Variants in CSMD1 observed in about 807,000 individuals in gnomAD.
CSMD1 encodes CUB and sushi domain-containing protein 1.
A neutral mutation model predicts 417.5 loss-of-function variants in CSMD1; 213 were observed. That is an observed-to-expected ratio of 0.51 (90% CI 0.46 to 0.57). CSMD1 has a LOEUF of 0.57. Ranked by LOEUF, CSMD1 falls within the 20% of genes least tolerant of loss-of-function variation. The pLI is 0.00. For missense variants in CSMD1, 6,923 were observed against 4,529.7 expected (o/e 1.53, Z -15.17); for synonymous variants, 2,862 against 1,736.8 (o/e 1.65, Z -16.11).
At chr8:3,549,884 C>G (rs868846352) in intron 10 of CSMD1, among the ~76,000 whole-genome samples, 1 of 152,208 alleles carries the variant, frequency 6.6e-6, no homozygotes, top group Non-Finnish European at 1.5e-5. Context: ...CCAAGTGTAA[C>G]AAATGTAATT....
intron 19 of CSMD1, 46 bp downstream of exon 19, chr8:3,369,208 T>C (rs1282650196): frequency 1.1e-6 from 1 of 919,518 alleles, no homozygotes; most frequent in African/African-American, 1.6e-5. Context: ...CGTTTTTCTG[T>C]CTCATTTATT....
At chr8:4,647,454 C>T (rs929598775) in intron 1 of CSMD1, among the ~76,000 whole-genome samples, 6 of 148,860 alleles carry the variant, frequency 4.0e-5, no homozygotes, top group South Asian at 2.1e-4. Flanking sequence ...GCGTGTGCCA[C>T]GGCGGCCTGC....
chr8:4,819,205 A>G (rs1799379344), intron 1 of CSMD1, among the ~76,000 whole-genome samples: 1 of 152,170 alleles, frequency 6.6e-6, no homozygotes, highest in African/African-American at 2.4e-5. Context: ...TGACAGAAGA[A>G]ATAATAATAA....
intron 26 of CSMD1, among the ~76,000 whole-genome samples, chr8:3,257,358 A>T (rs770436141): frequency 6.6e-6 from 1 of 152,254 alleles, no homozygotes; most frequent in Non-Finnish European, 1.5e-5. Context: ...TGCCTACTGC[A>T]TGTCAGTTCT....
At chr8:4,116,809 T>C (rs1293449293) in intron 3 of CSMD1, among the ~76,000 whole-genome samples, 1 of 142,740 alleles carries the variant, frequency 7.0e-6, no homozygotes, top group Non-Finnish European at 1.5e-5. Context: ...CTAAAACTAC[T>C]CTAAAAAATA....
intron 26 of CSMD1, among the ~76,000 whole-genome samples, chr8:3,238,143 AG>A (rs1799272884): frequency 6.6e-6 from 1 of 151,790 alleles, no homozygotes; most frequent in Admixed American, 6.6e-5. Context: ...GGGTACGTAA[AG>A]GAAAATTACA....
Position 4,919,011 on chromosome 8 carries a change from G to A in CSMD1, c.85+75321C>T, listed in dbSNP as rs373469146. Among the ~76,000 whole-genome samples, 15 of 152,270 alleles carry A rather than the reference G, an allele frequency of 9.9e-5. No individual in the cohort carries two copies. The East Asian group carries it at 2.5e-3, about 26-fold the overall frequency. ...GGCACCTAAAATACATGTACCAAAA[G>A]ATAAGCCACTTAGGTGCAGGGACGA... On this transcript the variant is annotated intron_variant, in intron 1 of 69. Coordinates refer to ENST00000635120, the MANE Select transcript of CSMD1 (RefSeq NM_033225.6).
At chr8:4,957,538 A>T (rs1402876936) in intron 1 of CSMD1, among the ~76,000 whole-genome samples, 1 of 152,194 alleles carries the variant, frequency 6.6e-6, no homozygotes, top group Non-Finnish European at 1.5e-5. Flanking sequence ...TGCTTATATG[A>T]GAAATTCATT....
intron 2 of CSMD1, among the ~76,000 whole-genome samples, chr8:4,499,358 G>C (rs558400878): frequency 2.6e-5 from 4 of 152,266 alleles, no homozygotes; most frequent in African/African-American, 9.6e-5. Context: ...GCTCTTCCTG[G>C]TACAATACAA....
chr8:3,206,565 ATGTG>A (rs67690876), intron 30 of CSMD1, among the ~76,000 whole-genome samples: 8 of 96,808 alleles, frequency 8.3e-5, no homozygotes, highest in African/African-American at 1.2e-4. Context: ...CTGTGTGTGT[ATGTG>A]TGTGTGTGTG....
At chr8:4,702,616 C>T (rs1807648850) in intron 1 of CSMD1, among the ~76,000 whole-genome samples, 1 of 152,168 alleles carries the variant, frequency 6.6e-6, no homozygotes, top group Non-Finnish European at 1.5e-5. Context: ...AACCTCATTA[C>T]CAGTCCAGAA....
At chr8:4,545,627 G>T (rs532223941) in intron 2 of CSMD1, among the ~76,000 whole-genome samples, 94 of 152,210 alleles carry the variant, frequency 6.2e-4, no homozygotes, top group South Asian at 4.2e-3. Context: ...TGGTTGGCTG[G>T]TTCGTGGCTA....
intron 1 of CSMD1, among the ~76,000 whole-genome samples, chr8:4,845,098 T>A (rs1041856158): frequency 6.6e-6 from 1 of 152,234 alleles, no homozygotes; most frequent in Non-Finnish European, 1.5e-5. Context: ...TACATATCTG[T>A]GTTTTTATTC....
intron 2 of CSMD1, among the ~76,000 whole-genome samples, chr8:4,458,787 A>T (rs1563198131): frequency 6.6e-6 from 1 of 151,918 alleles, no homozygotes; most frequent in Non-Finnish European, 1.5e-5. Context: ...ACGGTTAGGA[A>T]TATTTAATTT....
At chr8:3,759,185 T>C (rs745823333) in intron 5 of CSMD1, among the ~76,000 whole-genome samples, 1 of 152,224 alleles carries the variant, frequency 6.6e-6, no homozygotes, top group Non-Finnish European at 1.5e-5. Context: ...AGCAAATCTC[T>C]TGTTGAGATG....
At chr8:3,402,777 C>A (rs534381603) in intron 15 of CSMD1, among the ~76,000 whole-genome samples, 3 of 152,084 alleles carry the variant, frequency 2.0e-5, no homozygotes, top group Non-Finnish European at 4.4e-5. Context: ...CTCACTCTTG[C>A]TTTAAATTGT....
intron 50 of CSMD1, among the ~76,000 whole-genome samples, chr8:3,035,201 C>G (rs1354145527): frequency 6.6e-6 from 1 of 152,124 alleles, no homozygotes; most frequent in African/African-American, 2.4e-5. Flanking sequence ...CCAGCACTCC[C>G]CAGTCCCCCA....
At chr8:4,544,640 G>C (rs960531693) in intron 2 of CSMD1, among the ~76,000 whole-genome samples, 11 of 152,148 alleles carry the variant, frequency 7.2e-5, no homozygotes, top group Admixed American at 2.0e-4. Context: ...TTTAACTATA[G>C]TTGGTAAGAT....
At chr8:4,748,930 G>C (rs1374318952) in intron 1 of CSMD1, among the ~76,000 whole-genome samples, 2 of 152,228 alleles carry the variant, frequency 1.3e-5, no homozygotes, top group Admixed American at 6.5e-5. Flanking sequence ...ACACTGGGCA[G>C]TAATTCTGCT....
Sources: gnomAD v4.1 joint callset for allele counts (sites outside exome capture counted in the v4.1 genomes callset) on GRCh38, gnomAD v4.1.1 for gene constraint, MANE v1.5 for transcripts, NCBI Gene and HGNC (gene_info 2026-07-23, HGNC 2026-07-21) for gene names.